The following MTAP variants were observed in gnomAD, a reference collection of about 807,000 sequenced individuals.
MTAP encodes methylthioadenosine phosphorylase.
In MTAP, 33 loss-of-function variants were observed where a neutral mutation model predicts 33.6. The ratio of observed to expected loss-of-function variants is 0.98; its 90% CI spans 0.74 to 1.31. MTAP has a LOEUF of 1.31. Among genes scored for constraint, MTAP ranks in the 40% most tolerant of loss-of-function variants. The pLI is 0.00. For missense variants in MTAP, 367 were observed against 360.0 expected (o/e 1.02, Z -0.16); for synonymous variants, 148 against 125.7 (o/e 1.18, Z -1.19).
chr9:21,856,103 T>C, intron 6 of MTAP: 1 of 943,012 alleles, frequency 1.1e-6, no homozygotes. Context: ...CTTGTGTTAC[T>C]TGAATAAACT....
At chr9:21,914,661 T>G in intron 1 of MTAP, among the ~76,000 whole-genome samples, 1 of 151,252 alleles carries the variant, frequency 6.6e-6, no homozygotes, top group Admixed American at 6.6e-5. Context: ...GGTTAGCATT[T>G]GGAGACATAC....
chr9:21,818,552 CAGG>C (rs1292097068), intron 4 of MTAP, among the ~76,000 whole-genome samples: 1 of 151,856 alleles, frequency 6.6e-6, no homozygotes, highest in African/African-American at 2.4e-5. Flanking sequence ...GGTCTTGAAT[CAGG>C]AGATCACCCG....
intron 1 of MTAP, among the ~76,000 whole-genome samples, chr9:21,897,963 A>G (rs1420591540): frequency 3.9e-5 from 6 of 152,136 alleles, no homozygotes; most frequent in Non-Finnish European, 7.4e-5. Context: ...GAGGCATCAC[A>G]CTACCTGACT....
In MTAP at chr9:21,873,127, A is replaced by G. The variant is rs191114870; in HGVS notation, c.147+18257A>G. 1.0e-3 allele frequency among the ~76,000 whole-genome samples: 156 copies of G among 152,326 alleles called. 1 individual carries two copies. The highest frequency in any genetic ancestry group is 0.01 in the Middle Eastern group (3 of 294). On this transcript the variant is annotated intron_variant, in intron 1 of 1. Transcript: ENST00000577563. ...ATGTAATAAAATTGAAAAAGTACCT[A>G]GGATGGAAGGGATTTGGAATTCTGA...
intron 1 of MTAP, among the ~76,000 whole-genome samples, chr9:21,875,415 A>C (rs1275575728): frequency 6.6e-6 from 1 of 152,208 alleles, no homozygotes; most frequent in Non-Finnish European, 1.5e-5. Context: ...GTCTGTTCAT[A>C]TCCTTCGCCC....
intron 1 of MTAP, among the ~76,000 whole-genome samples, chr9:21,924,623 T>C (rs1818837679): frequency 6.6e-6 from 1 of 152,198 alleles, no homozygotes; most frequent in Non-Finnish European, 1.5e-5. Context: ...AGACCCCTCA[T>C]TGGGTTTACC....
At chr9:21,897,922 A>G (rs957089069) in intron 1 of MTAP, among the ~76,000 whole-genome samples, 1 of 152,222 alleles carries the variant, frequency 6.6e-6, no homozygotes, top group African/African-American at 2.4e-5. Context: ...CCGCATTGCC[A>G]AGTCAATCCT....
rs558535038 is a variant in MTAP at position 21,866,058 on chromosome 9, G to T, written c.*4044G>T. 1.3e-5 allele frequency: 2 copies of T among 153,188 alleles called. No homozygotes were observed. Among genetic ancestry groups the T allele is most frequent in the East Asian group, 1.9e-4 (1 of 5,188 alleles). 9.5% of individuals were successfully genotyped at this position (153,188 alleles called of 1,614,324 possible). ...TTGTAAGAATTCTTGACAAAGCTTG[G>T]TATTGTCAGCGTTTTTAATTTTAGC... On this transcript the variant is annotated 3_prime_UTR_variant, in exon 8 of 8. Coordinates refer to ENST00000644715, the MANE Select transcript of MTAP (RefSeq NM_002451.4).
intron 1 of MTAP, among the ~76,000 whole-genome samples, chr9:21,907,034 T>C (rs1563866337): frequency 6.6e-6 from 1 of 152,198 alleles, no homozygotes; most frequent in Non-Finnish European, 1.5e-5. Flanking sequence ...TATGATTGTA[T>C]GAAGGAATGT....
At chr9:21,898,826 G>A (rs572297408) in intron 1 of MTAP, among the ~76,000 whole-genome samples, 3 of 152,118 alleles carry the variant, frequency 2.0e-5, no homozygotes, top group Non-Finnish European at 4.4e-5. Flanking sequence ...ACAATGTGGC[G>A]ATTCCTCAAG....
chr9:21,894,344 A>G (rs760533815), intron 1 of MTAP, among the ~76,000 whole-genome samples: 1 of 152,056 alleles, frequency 6.6e-6, no homozygotes, highest in Non-Finnish European at 1.5e-5. Flanking sequence ...GAACTGAAAC[A>G]AGACCAAGAT....
intron 5 of MTAP, among the ~76,000 whole-genome samples, chr9:21,850,356 G>C (rs1350432910): frequency 2.0e-5 from 3 of 152,168 alleles, no homozygotes; most frequent in African/African-American, 7.2e-5. Flanking sequence ...AGCCTATTTG[G>C]ATTTTGGAGG....
intron 6 of MTAP, among the ~76,000 whole-genome samples, chr9:21,857,568 A>G (rs773773865): frequency 9.9e-5 from 15 of 152,206 alleles, no homozygotes; most frequent in African/African-American, 3.4e-4. Flanking sequence ...ACTTTCTTCA[A>G]CTTTTTCTTA....
At chr9:21,925,720 A>G (rs1171660800) in intron 1 of MTAP, among the ~76,000 whole-genome samples, 2 of 151,244 alleles carry the variant, frequency 1.3e-5, no homozygotes, top group Non-Finnish European at 2.9e-5. Context: ...CAGAATCCCA[A>G]TTCCTGATGG....
At chr9:21,899,225 G>A (rs1818347247) in intron 1 of MTAP, among the ~76,000 whole-genome samples, 3 of 113,814 alleles carry the variant, frequency 2.6e-5, no homozygotes, top group Admixed American at 2.3e-4. Context: ...ACACACCGGG[G>A]CCTGTTGTGG....
chr9:21,810,154 G>T (rs1397137283), intron 1 of MTAP, among the ~76,000 whole-genome samples: 1 of 152,172 alleles, frequency 6.6e-6, no homozygotes, highest in African/African-American at 2.4e-5. Flanking sequence ...TCTCCTCACA[G>T]CGCTGGAGGT....
chr9:21,859,357 A>G lies in MTAP; in HGVS notation c.745A>G (p.Ser249Gly). 6.2e-7 allele frequency: 1 copy of G among 1,613,744 alleles called. No homozygotes were observed. The highest frequency in any genetic ancestry group is 8.5e-7 in the Non-Finnish European group (1 of 1,179,810). ...GAAAGAAAACGCTAATAAAGCCAAA[A>G]GCTTACTGCTCACTACCATACCTCA... Reference protein sequence around the residue: ...TLKENANKAKSLLLTTIPQIG... With the variant: ...TLKENANKAKGLLLTTIPQIG... The change falls in exon 7 of 8, where the codon AGC becomes GGC. Residue 249 changes from serine (S) to glycine (G), a missense_variant. Coordinates refer to ENST00000644715, the MANE Select transcript of MTAP (RefSeq NM_002451.4).
intron 6 of MTAP, 179 bp from the exon 7 acceptor site, chr9:21,859,124 C>G (rs1563849678): frequency 5.4e-6 from 4 of 734,280 alleles, no homozygotes; most frequent in Non-Finnish European, 8.5e-6. Flanking sequence ...CCTTCATGAC[C>G]TAATTGCCTC....
Position 21,864,531 on chromosome 9 carries a change from G to A in MTAP, c.*2517G>A. On this transcript the variant is annotated 3_prime_UTR_variant, in exon 8 of 8. Transcript: ENST00000644715. ...GTCTTTGTTGGCCTTATAATCTGCT[G>A]TTATATTTGGCATGGATTTTCATGG... 1.0e-6 allele frequency: 1 copy of A among 985,402 alleles called. No homozygotes were observed. Among genetic ancestry groups the A allele is most frequent in the South Asian group, 4.7e-5 (1 of 21,282 alleles). The allele number at this position is 985,402 out of a possible 1,614,324, so 61.0% of individuals were successfully genotyped here.
Sources: gnomAD v4.1 joint callset for allele counts (sites outside exome capture counted in the v4.1 genomes callset) on GRCh38, gnomAD v4.1.1 for gene constraint, MANE v1.5 for transcripts, NCBI Gene and HGNC (gene_info 2026-07-23, HGNC 2026-07-21) for gene names.